Variants in IGFL2 observed in about 807,000 individuals in gnomAD.
IGFL2 encodes the protein insulin growth factor-like family member 2.
In IGFL2, 7 loss-of-function variants were observed where a neutral mutation model predicts 13.9. The observed-to-expected ratio is 0.51, with a 90% CI of 0.29 to 0.95. The LOEUF is 0.95. Ranked by LOEUF, IGFL2 falls within the 40% of genes least tolerant of loss-of-function variation. The probability of loss-of-function intolerance (pLI) is 0.08; values close to 1 mark genes in which losing one functional copy is unlikely to be tolerated. For missense variants in IGFL2, 138 were observed against 147.8 expected (o/e 0.93, Z 0.34); for synonymous variants, 55 against 55.8 (o/e 0.99, Z 0.07).
the IGFL2 span, among the ~76,000 whole-genome samples, chr19:46,134,859 C>T: frequency 6.6e-6 from 1 of 152,164 alleles, no homozygotes; most frequent in Non-Finnish European, 1.5e-5. Flanking sequence ...TTGGGGACCC[C>T]TGCTCTAGTA....
chr19:46,152,275 T>A (rs1200478772), intron 1 of IGFL2, among the ~76,000 whole-genome samples: 2 of 151,660 alleles, frequency 1.3e-5, no homozygotes, highest in African/African-American at 4.8e-5. Flanking sequence ...GGTTTTTTTT[T>A]TTTTTTCTTT....
chr19:46,156,399 C>T (rs1426878963), intron 1 of IGFL2, among the ~76,000 whole-genome samples: 2 of 152,028 alleles, frequency 1.3e-5, no homozygotes, highest in Non-Finnish European at 2.9e-5. Flanking sequence ...GAATTGGCTT[C>T]TATCTAGAGC....
At chr19:46,181,883 A>G in the IGFL2 span, among the ~76,000 whole-genome samples, 1 of 152,082 alleles carries the variant, frequency 6.6e-6, no homozygotes. Context: ...CAACCTGATT[A>G]CCTTCCCAGT....
chr19:46,103,186 G>T, the IGFL2 span, among the ~76,000 whole-genome samples: 2 of 152,114 alleles, frequency 1.3e-5, no homozygotes, highest in African/African-American at 4.8e-5. Context: ...TTGAGTTTTT[G>T]ATGTTGTCAT....
the IGFL2 span, among the ~76,000 whole-genome samples, chr19:46,091,814 A>G: frequency 1.3e-5 from 2 of 152,262 alleles, no homozygotes; most frequent in Non-Finnish European, 1.5e-5. Context: ...GAGAGCCTCA[A>G]CAGTTTCAAT....
downstream of IGFL2, among the ~76,000 whole-genome samples, chr19:46,165,988 T>C (rs1024403021): frequency 4.6e-5 from 7 of 152,192 alleles, no homozygotes; most frequent in African/African-American, 1.7e-4. Flanking sequence ...GACATGCATA[T>C]AATGGCCTAG....
intron 1 of IGFL2, among the ~76,000 whole-genome samples, chr19:46,151,462 T>C (rs962433085): frequency 2.0e-5 from 3 of 152,242 alleles, no homozygotes; most frequent in African/African-American, 7.2e-5. Flanking sequence ...TATATGTCTA[T>C]CCTGTGTGTC....
chr19:46,198,587 T>C, the IGFL2 span: 1 of 152,200 alleles, frequency 6.6e-6, no homozygotes, highest in African/African-American at 2.4e-5. Flanking sequence ...TGTTTCTGGG[T>C]GGGCTATCCT....
chr19:46,092,875 C>G, the IGFL2 span, among the ~76,000 whole-genome samples: 1 of 152,148 alleles, frequency 6.6e-6, no homozygotes. Flanking sequence ...CATACTGTCT[C>G]TCTAAGTAGA....
chr19:46,166,432 C>T, the IGFL2 span, among the ~76,000 whole-genome samples: 1 of 152,134 alleles, frequency 6.6e-6, no homozygotes, highest in Non-Finnish European at 1.5e-5. Context: ...TAGAATATCA[C>T]AAGGCAAGTG....
the IGFL2 span, among the ~76,000 whole-genome samples, chr19:46,179,773 G>A: frequency 5.9e-5 from 9 of 152,136 alleles, no homozygotes; most frequent in African/African-American, 1.7e-4. Context: ...AAAATTAGCC[G>A]GGAGTGTTGG....
At chr19:46,094,099 T>C in the IGFL2 span, among the ~76,000 whole-genome samples, 1 of 148,212 alleles carries the variant, frequency 6.7e-6, no homozygotes, top group Non-Finnish European at 1.5e-5. Flanking sequence ...TTCTAAAATG[T>C]GTAAGGAAAG....
chr19:46,137,564 G>A, the IGFL2 span: 7 of 1,020,240 alleles, frequency 6.9e-6, no homozygotes, highest in Middle Eastern at 2.1e-4. Flanking sequence ...GTCATCCTCC[G>A]TCTCACTGCC....
At chr19:46,099,521 TTTTC>T in the IGFL2 span, among the ~76,000 whole-genome samples, 116 of 151,928 alleles carry the variant, frequency 7.6e-4, no homozygotes, top group South Asian at 2.3e-3. Flanking sequence ...TGTTTGCTCT[TTTTC>T]TTTCTTTCTT....
At chr19:46,146,273 T>C (rs1745283291), upstream of IGFL2, among the ~76,000 whole-genome samples, 2 of 152,080 alleles carry the variant, frequency 1.3e-5, no homozygotes, top group Admixed American at 6.6e-5. Flanking sequence ...TTTGTTTGGG[T>C]TTATTTCTGG....
chr19:46,090,464 G>C, the IGFL2 span, among the ~76,000 whole-genome samples: 1 of 152,278 alleles, frequency 6.6e-6, no homozygotes, highest in South Asian at 2.1e-4. Flanking sequence ...CATATTTTAA[G>C]AAGTAGGTAC....
At chr19:46,183,612 T>G in the IGFL2 span, among the ~76,000 whole-genome samples, 2 of 151,798 alleles carry the variant, frequency 1.3e-5, no homozygotes, top group Non-Finnish European at 2.9e-5. Flanking sequence ...CTCTGCTCAC[T>G]GCAACCTCCA....
chr19:46,194,521 C>A, the IGFL2 span, among the ~76,000 whole-genome samples: 2 of 152,062 alleles, frequency 1.3e-5, no homozygotes, highest in Non-Finnish European at 2.9e-5. Context: ...AGGGACAATG[C>A]AAGCAAAAAC....
At chr19:46,132,489 ACT>A in the IGFL2 span, among the ~76,000 whole-genome samples, 1 of 152,146 alleles carries the variant, frequency 6.6e-6, no homozygotes, top group East Asian at 1.9e-4. Context: ...AAGTTGATAG[ACT>A]CACACACCCA....
Sources: allele counts gnomAD v4.1 joint callset (sites outside exome capture counted in the v4.1 genomes callset), GRCh38; gene constraint gnomAD v4.1.1; transcripts MANE v1.5; gene names NCBI Gene and HGNC (gene_info 2026-07-23, HGNC 2026-07-21).